RAD51B: variants seen among roughly 807,000 people sequenced by gnomAD.
The protein encoded by RAD51B is RAD51 paralog B, also known as DNA repair protein RAD51 homolog 2.
RAD51B carries 38 observed loss-of-function variants against 42.2 expected under a neutral mutation model. The observed-to-expected ratio is 0.90, with a 90% CI of 0.70 to 1.18. The LOEUF is 1.18. RAD51B is among the 50% of genes most tolerant of loss of function. The pLI is 0.00. For synonymous variants in RAD51B, 154 were observed against 145.2 expected (o/e 1.06, Z -0.43); for missense variants, 373 against 400.7 (o/e 0.93, Z 0.59).
intron 7 of RAD51B, among the ~76,000 whole-genome samples, chr14:68,017,343 G>C (rs185272980): frequency 9.2e-5 from 14 of 151,892 alleles, no homozygotes; most frequent in Middle Eastern, 3.4e-3. Flanking sequence ...CTACAGGCAC[G>C]TGCCACCATA....
At chr14:68,524,163 G>T (rs953405274) in intron 10 of RAD51B, among the ~76,000 whole-genome samples, 1 of 152,098 alleles carries the variant, frequency 6.6e-6, no homozygotes, top group African/African-American at 2.4e-5. Context: ...TTGAGACAGA[G>T]GTCAAGCCAC....
intron 8 of RAD51B, among the ~76,000 whole-genome samples, chr14:68,380,009 T>A (rs765150782): frequency 6.6e-6 from 1 of 152,256 alleles, no homozygotes; most frequent in Non-Finnish European, 1.5e-5. Flanking sequence ...AAAAGTAGAT[T>A]GCCTGGAAAA....
At chr14:68,414,586 G>A (rs2084503252) in intron 9 of RAD51B, among the ~76,000 whole-genome samples, 1 of 152,056 alleles carries the variant, frequency 6.6e-6, no homozygotes, top group East Asian at 1.9e-4. Flanking sequence ...TAATACTGAG[G>A]TACTGTTACA....
chr14:67,824,496 G>C (rs960541880), intron 2 of RAD51B, among the ~76,000 whole-genome samples: 12 of 151,710 alleles, frequency 7.9e-5, no homozygotes, highest in African/African-American at 2.7e-4. Flanking sequence ...GATCTCAAGT[G>C]ATCCGCCTCC....
chr14:68,076,625 A>T (rs2076838119), intron 7 of RAD51B, among the ~76,000 whole-genome samples: 1 of 152,222 alleles, frequency 6.6e-6, no homozygotes, highest in African/African-American at 2.4e-5. Context: ...AGTGTGAGTC[A>T]CTTAGGGAGG....
chr14:68,675,848 C>T (rs760701267), intron 11 of RAD51B, among the ~76,000 whole-genome samples: 3 of 152,200 alleles, frequency 2.0e-5, no homozygotes, highest in African/African-American at 7.2e-5. Context: ...GCCACATCCT[C>T]TTCTCAATCC....
At chr14:68,575,193 T>TA (rs1444662359) in intron 10 of RAD51B, among the ~76,000 whole-genome samples, 2 of 152,226 alleles carry the variant, frequency 1.3e-5, no homozygotes, top group African/African-American at 4.8e-5. Context: ...CTGTCAAAGA[T>TA]ACTGACTCGA....
At chr14:68,483,672 G>C (rs1883378775) in intron 10 of RAD51B, among the ~76,000 whole-genome samples, 1 of 152,152 alleles carries the variant, frequency 6.6e-6, no homozygotes, top group African/African-American at 2.4e-5. Flanking sequence ...GACTTTTCCA[G>C]AAAGCAGCTC....
At chr14:68,564,014 T>C (rs1371949989) in intron 10 of RAD51B, 3 of 869,694 alleles carry the variant, frequency 3.4e-6, no homozygotes, top group Non-Finnish European at 2.8e-6. Context: ...TTCCCAAACC[T>C]GTTTCGGAAC....
chr14:67,929,183 T>C (rs1017983043), intron 7 of RAD51B, among the ~76,000 whole-genome samples: 1 of 152,116 alleles, frequency 6.6e-6, no homozygotes, highest in Non-Finnish European at 1.5e-5. Context: ...CATGGTTAGA[T>C]TGTTCATTTG....
intron 7 of RAD51B, among the ~76,000 whole-genome samples, chr14:67,896,377 C>G (rs995700391): frequency 6.6e-6 from 1 of 152,198 alleles, no homozygotes; most frequent in Non-Finnish European, 1.5e-5. Flanking sequence ...AATTTGACAG[C>G]TCTGTACCTT....
At chr14:68,527,653 G>C (rs975209329) in intron 10 of RAD51B, among the ~76,000 whole-genome samples, 5 of 152,280 alleles carry the variant, frequency 3.3e-5, no homozygotes, top group African/African-American at 1.2e-4. Flanking sequence ...CCTTGTGCCT[G>C]TTGGTCTTGG....
At chr14:68,461,653 A>G (rs2085849169) in intron 9 of RAD51B, among the ~76,000 whole-genome samples, 1 of 152,234 alleles carries the variant, frequency 6.6e-6, no homozygotes, top group African/African-American at 2.4e-5. Context: ...TTCTATCATG[A>G]CAGACCATTT....
intron 7 of RAD51B, among the ~76,000 whole-genome samples, chr14:68,266,203 G>A (rs949143888): frequency 1.2e-4 from 19 of 152,182 alleles, no homozygotes; most frequent in African/African-American, 4.1e-4. Flanking sequence ...CTATAGCAAA[G>A]GCAGAGTAAC....
intron 7 of RAD51B, among the ~76,000 whole-genome samples, chr14:67,995,746 T>C (rs1417618279): frequency 6.6e-6 from 1 of 151,630 alleles, no homozygotes. Context: ...GCCTTCCGAG[T>C]AGCTGGGACT....
chr14:68,139,526 G>T (rs574872442), intron 7 of RAD51B, among the ~76,000 whole-genome samples: 2 of 152,236 alleles, frequency 1.3e-5, no homozygotes, highest in East Asian at 3.9e-4. Context: ...GGTTCATCTA[G>T]CCTAGGCAGA....
intron 4 of RAD51B, among the ~76,000 whole-genome samples, chr14:67,852,158 C>T (rs74844467): frequency 0.022 from 3,394 of 152,306 alleles, 67 homozygotes; most frequent in Middle Eastern, 0.082. Context: ...GAGCCAGAGC[C>T]GTGACCGACT....
intron 9 of RAD51B, among the ~76,000 whole-genome samples, chr14:68,426,005 TTC>T (rs1443243558): frequency 5.1e-5 from 7 of 136,046 alleles, no homozygotes; most frequent in African/African-American, 1.0e-4. Context: ...CCTTCCTTCC[TTC>T]CTTTCTTTCT....
intron 10 of RAD51B, among the ~76,000 whole-genome samples, chr14:68,545,919 G>A (rs181004613): frequency 6.6e-6 from 1 of 152,270 alleles, no homozygotes; most frequent in Admixed American, 6.5e-5. Context: ...TCTACAAGGG[G>A]TGGCACAGAT....
Sources: gnomAD v4.1 joint callset for allele counts (sites outside exome capture counted in the v4.1 genomes callset) on GRCh38, gnomAD v4.1.1 for gene constraint, MANE v1.5 for transcripts, NCBI Gene and HGNC (gene_info 2026-07-23, HGNC 2026-07-21) for gene names.